PGM3: variants seen among roughly 807,000 people sequenced by gnomAD.
PGM3 encodes phosphoglucomutase 3, also known as phosphoacetylglucosamine mutase.
A neutral mutation model predicts 66.2 loss-of-function variants in PGM3; 40 were observed. That is an observed-to-expected ratio of 0.60 (90% CI 0.47 to 0.79). The LOEUF (loss-of-function observed/expected upper bound fraction) is 0.79. PGM3 is among the 30% of genes least tolerant of loss of function. PGM3 has a pLI of 0.00. For missense variants in PGM3, 537 were observed against 643.4 expected, an observed-to-expected ratio of 0.83 and a Z score of 1.79; for synonymous variants, 191 against 224.2, an observed-to-expected ratio of 0.85 and a Z score of 1.32.
At chr6:83,180,646 A>G (rs1788109879) in intron 6 of PGM3, among the ~76,000 whole-genome samples, 1 of 152,202 alleles carries the variant, frequency 6.6e-6, no homozygotes, top group Non-Finnish European at 1.5e-5. Context: ...GAAAGCAAGG[A>G]CTATGGTTTT....
chr6:83,187,283 T>C (rs1314999915), intron 3 of PGM3, among the ~76,000 whole-genome samples: 1 of 152,206 alleles, frequency 6.6e-6, no homozygotes, highest in Non-Finnish European at 1.5e-5. Context: ...GGAAAAATTC[T>C]GGCTTTTAAA....
rs1788058327 is a variant in PGM3, at chr6:83,179,986, T to G, written c.788-19A>C. The G allele has an allele frequency of 1.9e-6, 3 of 1,573,166 alleles. No homozygotes were observed. Among genetic ancestry groups the G allele is most frequent in the African/African-American group, 1.4e-5 (1 of 73,774 alleles). ...TCCATTCCTAGCACACAGGATAATT[T>G]AACATGCATTTCAGTCTAAGAATTT... On this transcript the variant is annotated intron_variant, in intron 6 of 12. Coordinates refer to ENST00000513973, the MANE Select transcript of PGM3 (RefSeq NM_015599.3).
At chr6:83,156,318 T>G (rs1171901325), downstream of PGM3, among the ~76,000 whole-genome samples, 2 of 152,166 alleles carry the variant, frequency 1.3e-5, no homozygotes, top group South Asian at 4.1e-4. Context: ...GGTCTCTATT[T>G]TATTGTTTAG....
intron 5 of PGM3, among the ~76,000 whole-genome samples, chr6:83,182,323 G>GT (rs1053038209): frequency 5.9e-5 from 9 of 151,948 alleles, no homozygotes; most frequent in East Asian, 1.9e-4. Context: ...AGGCAGATTT[G>GT]TTTTTTTTCT....
chr6:83,166,169 G>T lies in PGM3; in HGVS notation c.*3065C>A, dbSNP rs1262461467. On this transcript the variant is annotated 3_prime_UTR_variant, in exon 13 of 13. Coordinates refer to ENST00000513973, the MANE Select transcript of PGM3 (RefSeq NM_015599.3). ...TTTTTTTATTTTTCACTCAGCTCAT[G>T]AGGCACCCATTTATTGAGCTTTTTC... 4 of 507,536 alleles carry T rather than the reference G, an allele frequency of 7.9e-6. 1 individual carries two copies. In the East Asian group the frequency reaches 1.2e-4, roughly 15 times the overall value. The allele number at this position is 507,536 out of a possible 1,614,324, so 31.4% of individuals were successfully genotyped here. A position where few individuals can be genotyped will look rare whatever the true frequency, so the allele number is the denominator to read the frequency against.
chr6:83,166,667 T>C lies in PGM3; in HGVS notation c.*2567A>G. The C allele has an allele frequency of 7.8e-7, 1 of 1,282,544 alleles. No individual in the cohort carries two copies. The highest frequency in any genetic ancestry group is 9.9e-7 in the Non-Finnish European group (1 of 1,006,380). The allele number at this position is 1,282,544 out of a possible 1,614,324, so 79.4% of individuals were successfully genotyped here. A position where few individuals can be genotyped will look rare whatever the true frequency, so the allele number is the denominator to read the frequency against. ...ATTTCAACAATGCAAAAACCGCAAT[T>C]ACGTTTGCACCAACCTAATATTTTC... On this transcript the variant is annotated 3_prime_UTR_variant, in exon 13 of 13. Transcript: ENST00000513973.
chr6:83,150,217 T>C, the PGM3 span, among the ~76,000 whole-genome samples: 6 of 152,044 alleles, frequency 3.9e-5, no homozygotes, highest in Non-Finnish European at 8.8e-5. Context: ...CTACAAAAAA[T>C]TTAAAAATTA....
At chr6:83,154,207 G>A in the PGM3 span, 1 of 1,613,970 alleles carries the variant, frequency 6.2e-7, no homozygotes, top group African/African-American at 1.3e-5. Context: ...ACAATCTGAT[G>A]ACACATGATA....
At position 83,188,770 on chromosome 6, in the gene PGM3, G is replaced by C; in HGVS notation, c.233C>G (p.Pro78Arg). The change falls in exon 3 of 13, where the codon CCT becomes CGT. Residue 78 changes from proline to arginine, a missense_variant. Pro to Arg is a moderately radical substitution (Grantham distance 103). Transcript: ENST00000513973. Reference protein sequence around the residue: ...EEDNGVKLVDPLGEMLAPSWE... With the variant: ...EEDNGVKLVDRLGEMLAPSWE... ...GGATGGTGCCAACATTTCACCCAAA[G>C]GATCAACCAATTTTACACCATTGTC... 1 of 1,613,910 alleles carries C rather than the reference G, an allele frequency of 6.2e-7. No individual in the cohort carries two copies. Among genetic ancestry groups the C allele is most frequent in the Non-Finnish European group, 8.5e-7 (1 of 1,179,944 alleles).
downstream of PGM3, among the ~76,000 whole-genome samples, chr6:83,156,431 T>C (rs574908690): frequency 2.0e-5 from 3 of 152,312 alleles, no homozygotes; most frequent in Non-Finnish European, 4.4e-5. Context: ...ATTTGTGTAC[T>C]CTGAGAAGAC....
Position 83,192,508 on chromosome 6 carries a change from G to C in PGM3, c.-3+671C>G, listed in dbSNP as rs184503636. On this transcript the variant is annotated intron_variant, in intron 1 of 12. Transcript: ENST00000513973. ...TTCATTGCTTCAATGAACAGAACTT[G>C]CAAGAAATGGTGAAAAATACTTGCT... is the stretch of plus-strand genomic sequence containing the variant. Among the ~76,000 whole-genome samples the C allele has an allele frequency of 7.9e-5, 12 of 152,258 alleles. No homozygotes were observed. In the South Asian group the frequency reaches 2.5e-3, roughly 32 times the overall value.
rs371995917 is a variant in PGM3 at position 83,167,675 on chromosome 6, G to A, written c.*1559C>T. 38 of 1,374,486 alleles carry A rather than the reference G, an allele frequency of 2.8e-5. No individual in the cohort carries two copies. In the East Asian group the frequency reaches 1.0e-3, roughly 36 times the overall value. The allele number at this position is 1,374,486 out of a possible 1,614,324, so 85.1% of individuals were successfully genotyped here. On this transcript the variant is annotated 3_prime_UTR_variant, in exon 13 of 13. Coordinates refer to ENST00000513973, the MANE Select transcript of PGM3 (RefSeq NM_015599.3). The stretch of plus-strand genomic sequence containing the variant: ...TTACTACAATGTTAGACTGCTCCAT[G>A]TAAAACTAATAAATGGCAGTAAAAG...
rs867146994 is a variant in PGM3 at position 83,188,807 on chromosome 6, A to G, written c.205-9T>C. The stretch of plus-strand genomic sequence containing the variant: ...TTTACACCATTGTCTTCCTTAAAAG[A>G]AAAACAAACAATAAGCAATCTGTGC... On this transcript the variant is annotated splice_polypyrimidine_tract_variant and intron_variant, in intron 2 of 12. Transcript: ENST00000513973. 6.2e-7 allele frequency: 1 copy of G among 1,612,352 alleles called. No homozygotes were observed. Among genetic ancestry groups the G allele is most frequent in the Middle Eastern group, 1.7e-4 (1 of 6,054 alleles).
At chr6:83,156,386 G>A (rs1325481380), downstream of PGM3, among the ~76,000 whole-genome samples, 1 of 152,180 alleles carries the variant, frequency 6.6e-6, no homozygotes, top group Non-Finnish European at 1.5e-5. Context: ...TTTGCTGCGG[G>A]CAGTCATGTT....
At chr6:83,180,649 A>ATAC (rs1788111339) in intron 6 of PGM3, among the ~76,000 whole-genome samples, 1 of 152,228 alleles carries the variant, frequency 6.6e-6, no homozygotes, top group Admixed American at 6.5e-5. Context: ...AGCAAGGACT[A>ATAC]TGGTTTTGTT....
At chr6:83,169,796 T>C (rs1426439689) in intron 12 of PGM3, 3 of 457,540 alleles carry the variant, frequency 6.6e-6, no homozygotes, top group East Asian at 6.9e-5. Context: ...TTAAGGAGTA[T>C]GTGAAGAGGC....
At chr6:83,158,424 C>T, downstream of PGM3, 2 of 699,180 alleles carry the variant, frequency 2.9e-6, no homozygotes, top group Non-Finnish European at 4.9e-6. Flanking sequence ...GCAGTTTTAC[C>T]TTCAGAAACT....
rs1469862471 is a variant in PGM3, at chr6:83,170,463, C to G, written c.1381G>C (p.Val461Leu). 6.2e-7 allele frequency: 1 copy of G among 1,613,930 alleles called. No homozygotes were observed. Reference sequence around the variant, plus strand: ...CTTTCAGCATCGGTAGTGCTAATAACTCTCCTGTCTGCAACCTAAGTGCAA... The same window carrying G: ...CTTTCAGCATCGGTAGTGCTAATAAGTCTCCTGTCTGCAACCTAAGTGCAA... ...QLKVQVADRR[V>L]ISTTDAERQA... Residue 461 changes from valine to leucine, a missense_variant, in exon 12 of 13, where the codon GTT (valine) becomes CTT (leucine). Physicochemically the swap from Val to Leu is conservative, Grantham distance 32. Transcript: ENST00000513973.
chr6:83,179,796 T>TC lies in PGM3; in HGVS notation c.945+13dup. On this transcript the variant is annotated intron_variant, in intron 7 of 12. Transcript: ENST00000513973. ...AAGTCTTGTTTTAGAGGGTAGCCAA[T>TC]CCCCCCACCATACCTCCACCAGGAG... 6.3e-7 allele frequency: 1 copy of TC among 1,595,370 alleles called. No homozygotes were observed. Among genetic ancestry groups the TC allele is most frequent in the Non-Finnish European group, 8.5e-7 (1 of 1,169,798 alleles).
Sources: gnomAD v4.1 joint callset for allele counts (sites outside exome capture counted in the v4.1 genomes callset) on GRCh38, gnomAD v4.1.1 for gene constraint, MANE v1.5 for transcripts, NCBI Gene and HGNC (gene_info 2026-07-23, HGNC 2026-07-21) for gene names.